Variants in ASTL observed in about 807,000 individuals in gnomAD.
ASTL encodes astacin-like metalloendopeptidase.
In ASTL, 27 loss-of-function variants were observed where a neutral mutation model predicts 36.7. That is an observed-to-expected ratio of 0.73 (90% CI 0.54 to 1.01). ASTL has a LOEUF of 1.01. ASTL is among the 50% of genes least tolerant of loss of function. The pLI is 0.00. For synonymous variants in ASTL, 222 were observed against 228.1 expected, an observed-to-expected ratio of 0.97 and a Z score of 0.24; for missense variants, 524 against 572.8, an observed-to-expected ratio of 0.91 and a Z score of 0.87.
Position 96,132,713 on chromosome 2 carries a change from G to A in ASTL, c.464C>T (p.Ser155Leu), listed in dbSNP as rs759833663. 8.7e-6 allele frequency: 14 copies of A among 1,609,558 alleles called. No homozygotes were observed. The highest frequency in any genetic ancestry group is 2.2e-5 in the East Asian group (1 of 44,760). Residue 155 changes from serine (S) to leucine (L), a missense_variant, in exon 6 of 9, where the codon TCG becomes TTG. By Grantham distance (145) the Ser-to-Leu change is moderately radical. Coordinates refer to ENST00000342380, the MANE Select transcript of ASTL (RefSeq NM_001002036.4). This position sits in a 1 kb window ranked among gnomAD's most constrained non-coding sequence, Gnocchi z 5.4. ...CATCCCTCCACTGCGCCCCACACTC[G>A]AGAAGCACCTGCAGGGTGATGAGAG... ...ISIIPMYGCF[S>L]SVGRSGGMQV...
rs780898200 is a variant in ASTL at position 96,132,271 on chromosome 2, G to A, written c.637+269C>T. ...TCGCCAGGGAGAGGACAGTGTCAGGGATGAGAAGCGAGACAAAGCAGGTGG... is the reference window on the plus strand; with the variant it reads ...TCGCCAGGGAGAGGACAGTGTCAGGAATGAGAAGCGAGACAAAGCAGGTGG... On this transcript the variant is annotated intron_variant, in intron 6 of 8. Coordinates refer to ENST00000342380, the MANE Select transcript of ASTL (RefSeq NM_001002036.4). The surrounding 1 kb of genome is among the most constrained non-coding windows in gnomAD (Gnocchi z 5.4). Among the ~76,000 whole-genome samples the A allele has an allele frequency of 3.9e-5, 6 of 152,206 alleles. No homozygotes were observed. Among genetic ancestry groups the A allele is most frequent in the Non-Finnish European group, 8.8e-5 (6 of 68,030 alleles).
chr2:96,133,151 C>T (rs1682219599), intron 5 of ASTL, among the ~76,000 whole-genome samples: 1 of 152,226 alleles, frequency 6.6e-6, no homozygotes. Flanking sequence ...CAGTGACTCA[C>T]GCACTGTCTG....
intron 2 of ASTL, among the ~76,000 whole-genome samples, 195 bp from the exon 3 acceptor site, chr2:96,135,607 T>C (rs996947826): frequency 2.0e-5 from 3 of 152,232 alleles, no homozygotes; most frequent in African/African-American, 7.2e-5. Flanking sequence ...GTTAAGTCAT[T>C]AGTTGATGTT....
Position 96,132,593 on chromosome 2 carries a change from G to T in ASTL, c.584C>A (p.Thr195Lys), listed in dbSNP as rs1202061982. 1.9e-6 allele frequency: 3 copies of T among 1,612,474 alleles called. No individual in the cohort carries two copies. The East Asian group carries it at 6.7e-5, about 36-fold the overall frequency. Reference protein sequence around the residue: ...MHVLGFWHEHTRADRDRYIRV... With the variant: ...MHVLGFWHEHKRADRDRYIRV... ...GATATAGCGGTCCCGGTCGGCCCGC[G>T]TGTGCTCGTGCCAGAAGCCCAGCAC... Residue 195 changes from threonine (T) to lysine (K), a missense_variant, in exon 6 of 9, where the codon ACG becomes AAG. Physicochemically the swap from Thr to Lys is moderately conservative, Grantham distance 78. Coordinates refer to ENST00000342380, the MANE Select transcript of ASTL (RefSeq NM_001002036.4). The surrounding 1 kb of genome is among the most constrained non-coding windows in gnomAD (Gnocchi z 5.4).
chr2:96,125,247 C>T (rs1476404938), intron 8 of ASTL, among the ~76,000 whole-genome samples: 2 of 152,122 alleles, frequency 1.3e-5, no homozygotes, highest in East Asian at 3.9e-4. Flanking sequence ...ACGCTAGCAT[C>T]CCCCACCTCT....
intron 4 of ASTL, 145 bp downstream of exon 4, chr2:96,133,820 C>CAACA (rs942082734): frequency 8.9e-5 from 61 of 689,190 alleles, no homozygotes; most frequent in Middle Eastern, 4.7e-4. Flanking sequence ...AGACCTTCAG[C>CAACA]AACAGAAGGG....
At chr2:96,125,192 C>A (rs1055198278) in intron 8 of ASTL, among the ~76,000 whole-genome samples, 2 of 152,194 alleles carry the variant, frequency 1.3e-5, no homozygotes, top group Non-Finnish European at 2.9e-5. Context: ...GTAGCCTCAA[C>A]CACCTTTCCC....
chr2:96,127,474 G>A (rs61624166), intron 8 of ASTL, among the ~76,000 whole-genome samples: 19,249 of 152,232 alleles, frequency 0.13, 1,514 homozygotes, highest in Middle Eastern at 0.26. Context: ...GAATGGTATT[G>A]TAGACTTCAT....
At chr2:96,133,861 G>A in intron 4 of ASTL, 104 bp downstream of exon 4, 1 of 797,362 alleles carries the variant, frequency 1.3e-6, no homozygotes, top group Admixed American at 2.0e-5. Context: ...GGGTGGGGAG[G>A]TGGAAGGGAT....
intron 8 of ASTL, among the ~76,000 whole-genome samples, chr2:96,129,458 G>C (rs1254940129): frequency 6.6e-6 from 1 of 152,042 alleles, no homozygotes; most frequent in East Asian, 1.9e-4. Context: ...CGGACCTTTA[G>C]TTTCTTTGGC....
In ASTL at chr2:96,130,160, A is replaced by G. The variant is rs1209025699; in HGVS notation, c.638-15T>C. On this transcript the variant is annotated splice_polypyrimidine_tract_variant and intron_variant, in intron 6 of 8. Transcript: ENST00000342380. ...GATTTCAAAGCCTAAAAATACAAAA[A>G]CAATACAACTTACTGATATATAAAG... 1.9e-6 allele frequency: 3 copies of G among 1,599,856 alleles called. No homozygotes were observed. The highest frequency in any genetic ancestry group is 1.1e-5 in the South Asian group (1 of 90,730).
intron 2 of ASTL, among the ~76,000 whole-genome samples, chr2:96,135,911 C>A (rs562253591): frequency 6.6e-6 from 1 of 152,354 alleles, no homozygotes; most frequent in Admixed American, 6.5e-5. Flanking sequence ...CTGAGCCACA[C>A]TCCTCAGAAC....
At position 96,124,803 on chromosome 2, in the gene ASTL, C is replaced by A. The variant is rs2104762560; in HGVS notation, c.875-532G>T. 6.6e-6 allele frequency among the ~76,000 whole-genome samples: 1 copy of A among 152,280 alleles called. No homozygotes were observed. Among genetic ancestry groups the A allele is most frequent in the East Asian group, 1.9e-4 (1 of 5,188 alleles). On this transcript the variant is annotated intron_variant, in intron 8 of 8. Coordinates refer to ENST00000342380, the MANE Select transcript of ASTL (RefSeq NM_001002036.4). This position sits in a 1 kb window ranked among gnomAD's most constrained non-coding sequence, Gnocchi z 4.1. The stretch of plus-strand genomic sequence containing the variant: ...CCTCATTCAAGCCCATGTTCTCTGG[C>A]TGGCCCCAGCCCCTCAGCACTGCCT...
chr2:96,136,632 GGGCAGATCACACAGT>G lies in ASTL; in HGVS notation c.181+928_181+942del, dbSNP rs1682307149. On this transcript the variant is annotated intron_variant, in intron 2 of 8. Transcript: ENST00000342380. Reference sequence around the variant, plus strand: ...CAAGTCAGCTCACAGAGGAAGAAGGGGGCAGATCACACAGTGGCTACCACATCTGGTAGGATCTCA... The same window carrying G: ...CAAGTCAGCTCACAGAGGAAGAAGGGGGCTACCACATCTGGTAGGATCTCA... Among the ~76,000 whole-genome samples, 4 of 152,120 alleles carry G rather than the reference GGGCAGATCACACAGT, an allele frequency of 2.6e-5. No homozygotes were observed. In the South Asian group the frequency reaches 8.3e-4, roughly 32 times the overall value.
chr2:96,136,442 C>A (rs182641446), intron 2 of ASTL, among the ~76,000 whole-genome samples: 1 of 152,242 alleles, frequency 6.6e-6, no homozygotes, highest in African/African-American at 2.4e-5. Flanking sequence ...GGGTAAGGCA[C>A]GGGCAGCCCT....
intron 4 of ASTL, 58 bp from the exon 5 acceptor site, chr2:96,133,600 G>C: frequency 2.4e-6 from 3 of 1,229,232 alleles, no homozygotes; most frequent in Admixed American, 3.4e-5. Context: ...AGCTCTACCT[G>C]AGGGTCTGGG....
rs762170014 is a variant in ASTL at position 96,124,697 on chromosome 2, C to T, written c.875-426G>A. ...GGCCACATCTAAACCCTGCACCGTG[C>T]CAGGAGGTAGGTTGGGGCTTCCTTG... On this transcript the variant is annotated intron_variant, in intron 8 of 8. Coordinates refer to ENST00000342380, the MANE Select transcript of ASTL (RefSeq NM_001002036.4). The surrounding 1 kb of genome is among the most constrained non-coding windows in gnomAD (Gnocchi z 4.1). Among the ~76,000 whole-genome samples, 1 of 152,146 alleles carries T rather than the reference C, an allele frequency of 6.6e-6. No homozygotes were observed. Among genetic ancestry groups the T allele is most frequent in the Non-Finnish European group, 1.5e-5 (1 of 68,014 alleles).
chr2:96,128,620 T>A (rs1012551836), intron 8 of ASTL, among the ~76,000 whole-genome samples: 3 of 152,230 alleles, frequency 2.0e-5, no homozygotes, highest in Admixed American at 2.0e-4. Flanking sequence ...TTGATTCTGT[T>A]CCAGCGGGCA....
At chr2:96,135,691 A>G (rs941635007) in intron 2 of ASTL, among the ~76,000 whole-genome samples, 3 of 152,210 alleles carry the variant, frequency 2.0e-5, no homozygotes, top group Non-Finnish European at 4.4e-5. Flanking sequence ...AAGGAGACTG[A>G]GGCTTGGGGT....
Sources: allele counts gnomAD v4.1 joint callset (sites outside exome capture counted in the v4.1 genomes callset), GRCh38; gene constraint gnomAD v4.1.1; non-coding constraint Gnocchi (gnomAD v3.1); transcripts MANE v1.5; gene names NCBI Gene and HGNC (gene_info 2026-07-23, HGNC 2026-07-21).